ANO4: variants seen among roughly 807,000 people sequenced by gnomAD.
ANO4 encodes anoctamin-4.
In ANO4, 69 loss-of-function variants were observed where a neutral mutation model predicts 141.9. The ratio of observed to expected loss-of-function variants is 0.49; its 90% confidence interval spans 0.40 to 0.59. The LOEUF (loss-of-function observed/expected upper bound fraction) is 0.59, where lower values mean the gene tolerates loss of function less well. ANO4 is among the 20% of genes least tolerant of loss of function. The probability of loss-of-function intolerance (pLI) is 0.00; values close to 1 mark genes in which losing one functional copy is unlikely to be tolerated. For synonymous variants in ANO4, 350 were observed against 394.3 expected (o/e 0.89, Z 1.33); for missense variants, 894 against 1,162.2 (o/e 0.77, Z 3.36).
chr12:100,936,264 T>G (rs2042280796), intron 3 of ANO4, among the ~76,000 whole-genome samples: 1 of 152,162 alleles, frequency 6.6e-6, no homozygotes, highest in African/African-American at 2.4e-5. Flanking sequence ...AATTCTCAAC[T>G]TCAGCACCAA....
Position 100,901,395 on chromosome 12 carries a change from T to C in ANO4, c.-140-251T>C, listed in dbSNP as rs145606108. Among the ~76,000 whole-genome samples, 1,374 of 152,340 alleles carry C rather than the reference T, an allele frequency of 9.0e-3. 11 individuals are homozygous for C. The highest frequency in any genetic ancestry group is 0.014 in the Non-Finnish European group (979 of 68,030). ...AAGCCCTACTGCTTTGGCAACAGCA[T>C]GTCAAATATGTGCACATTTTCCCAG... On this transcript the variant is annotated intron_variant, in intron 1 of 27. Transcript: ENST00000392977.
At chr12:101,010,230 G>A (rs1057084391) in intron 8 of ANO4, among the ~76,000 whole-genome samples, 2 of 152,100 alleles carry the variant, frequency 1.3e-5, no homozygotes, top group African/African-American at 4.8e-5. Flanking sequence ...GGGATTTTGA[G>A]AGAGACAGAA....
At chr12:100,842,870 G>T (rs1481480153) in intron 1 of ANO4, among the ~76,000 whole-genome samples, 2 of 152,088 alleles carry the variant, frequency 1.3e-5, no homozygotes, top group Non-Finnish European at 2.9e-5. Flanking sequence ...TAATACTGTT[G>T]CACGGAGGAT....
chr12:101,101,826 T>A (rs2050199039), intron 22 of ANO4, among the ~76,000 whole-genome samples: 1 of 152,160 alleles, frequency 6.6e-6, no homozygotes, highest in Non-Finnish European at 1.5e-5. Flanking sequence ...CTCACACCTG[T>A]AATCCTAGCA....
At chr12:101,073,712 T>C (rs2048917306) in intron 14 of ANO4, among the ~76,000 whole-genome samples, 4 of 152,026 alleles carry the variant, frequency 2.6e-5, no homozygotes, top group Admixed American at 1.3e-4. Flanking sequence ...AAGAGTGTCC[T>C]GGTATCTGAA....
intron 1 of ANO4, among the ~76,000 whole-genome samples, chr12:100,836,585 A>G (rs1027633370): frequency 6.7e-6 from 1 of 149,942 alleles, no homozygotes; most frequent in African/African-American, 2.5e-5. Context: ...AAACTATCAT[A>G]TAGTGTGATA....
At chr12:101,103,181 TTTTATATATATATATATA>T (rs1449958013) in intron 22 of ANO4, among the ~76,000 whole-genome samples, 2,439 of 90,658 alleles carry the variant, frequency 0.027, 205 homozygotes, top group South Asian at 0.062. Context: ...TTTTTAGTCA[TTTTATATATATATATATA>T]TATATATATA....
At chr12:101,090,895 A>T (rs2049742889) in intron 17 of ANO4, among the ~76,000 whole-genome samples, 1 of 152,146 alleles carries the variant, frequency 6.6e-6, no homozygotes. Flanking sequence ...TTCAAGACAC[A>T]GCCTAGATAA....
chr12:100,840,523 G>A (rs1290876783), intron 1 of ANO4, among the ~76,000 whole-genome samples: 2 of 152,084 alleles, frequency 1.3e-5, no homozygotes, highest in South Asian at 4.2e-4. Context: ...TGTCAGAGGA[G>A]GGATGGAACC....
intron 5 of ANO4, among the ~76,000 whole-genome samples, chr12:100,952,793 A>G (rs942564286): frequency 6.6e-6 from 1 of 152,132 alleles, no homozygotes; most frequent in Non-Finnish European, 1.5e-5. Flanking sequence ...TAAGGGCCTC[A>G]TTATTGCCTC....
intron 5 of ANO4, among the ~76,000 whole-genome samples, chr12:100,965,892 T>G (rs999989063): frequency 6.6e-6 from 1 of 152,170 alleles, no homozygotes; most frequent in Non-Finnish European, 1.5e-5. Flanking sequence ...TTGTCTGATG[T>G]CTGTCTCCCA....
intron 1 of ANO4, among the ~76,000 whole-genome samples, chr12:100,865,203 C>T (rs775474475): frequency 6.6e-6 from 1 of 152,148 alleles, no homozygotes; most frequent in Non-Finnish European, 1.5e-5. Context: ...TGAGGAATCG[C>T]CACACTGTCT....
At chr12:100,744,525 C>A (rs1047881672) in intron 3 of ANO4, among the ~76,000 whole-genome samples, 1 of 152,078 alleles carries the variant, frequency 6.6e-6, no homozygotes, top group African/African-American at 2.4e-5. Flanking sequence ...ACCCTCATAA[C>A]CTAATCACCT....
intron 19 of ANO4, 107 bp from the exon 20 acceptor site, chr12:101,097,544 T>G: frequency 9.3e-7 from 1 of 1,071,806 alleles, no homozygotes; most frequent in Non-Finnish European, 1.4e-6. Context: ...GACCTACTAC[T>G]TATAGTAGCA....
intron 5 of ANO4, among the ~76,000 whole-genome samples, chr12:100,962,969 T>C (rs1033937109): frequency 3.9e-5 from 6 of 152,144 alleles, no homozygotes; most frequent in African/African-American, 1.4e-4. Context: ...GACTTGGTGA[T>C]TTGTTGGATA....
chr12:100,724,257 A>C (rs1295958926), intron 1 of ANO4, among the ~76,000 whole-genome samples: 1 of 152,204 alleles, frequency 6.6e-6, no homozygotes, highest in African/African-American at 2.4e-5. Context: ...GATAATGAGC[A>C]CCAGACACAG....
At chr12:100,771,478 AC>A (rs1565866333) in intron 3 of ANO4, among the ~76,000 whole-genome samples, 5 of 151,602 alleles carry the variant, frequency 3.3e-5, no homozygotes, top group African/African-American at 1.2e-4. Context: ...AGAAAGCACC[AC>A]CCCCCACCCC....
intron 13 of ANO4, among the ~76,000 whole-genome samples, chr12:101,046,361 C>T (rs1219869014): frequency 6.6e-6 from 1 of 152,142 alleles, no homozygotes; most frequent in African/African-American, 2.4e-5. Flanking sequence ...GTGTGGCCTG[C>T]TTAGCTGATT....
intron 2 of ANO4, among the ~76,000 whole-genome samples, chr12:100,739,043 T>TCA (rs2031739415): frequency 6.8e-6 from 1 of 146,814 alleles, no homozygotes; most frequent in African/African-American, 2.5e-5. Flanking sequence ...CTCTAAATCT[T>TCA]TATATATATA....
Sources: allele counts gnomAD v4.1 joint callset (sites outside exome capture counted in the v4.1 genomes callset), GRCh38; gene constraint gnomAD v4.1.1; transcripts MANE v1.5; gene names NCBI Gene and HGNC (gene_info 2026-07-23, HGNC 2026-07-21).